The following BCKDHB variants were observed in gnomAD, a reference collection of about 807,000 sequenced individuals.
BCKDHB encodes the protein branched chain keto acid dehydrogenase E1 subunit beta.
Under a neutral mutation model 48.5 loss-of-function variants are expected in BCKDHB, and 41 were observed. The observed-to-expected ratio is 0.85, with a 90% CI of 0.66 to 1.10. The LOEUF is 1.10. Among genes scored for constraint, BCKDHB ranks in the 50% least tolerant of loss-of-function variants. BCKDHB has a pLI of 0.00. For missense variants in BCKDHB, 496 were observed against 494.2 expected, an observed-to-expected ratio of 1.00 and a Z score of -0.03; for synonymous variants, 201 against 174.8, an observed-to-expected ratio of 1.15 and a Z score of -1.18.
the BCKDHB span, among the ~76,000 whole-genome samples, chr6:80,372,058 A>G: frequency 2.0e-5 from 3 of 151,928 alleles, no homozygotes; most frequent in Non-Finnish European, 4.4e-5. Context: ...TTGAATTTGT[A>G]TATTTCTTTT....
intron 8 of BCKDHB, among the ~76,000 whole-genome samples, chr6:80,213,675 T>G (rs903700491): frequency 6.6e-6 from 1 of 151,794 alleles, no homozygotes. Context: ...TTTGTTTTTT[T>G]TTTTTTAATT....
At chr6:80,450,315 GCTTTT>G in the BCKDHB span, among the ~76,000 whole-genome samples, 2 of 152,090 alleles carry the variant, frequency 1.3e-5, no homozygotes, top group Non-Finnish European at 2.9e-5. Context: ...GTATTAATCA[GCTTTT>G]CTTTTCTTTA....
At chr6:80,116,409 C>T (rs943595379) in intron 1 of BCKDHB, among the ~76,000 whole-genome samples, 2 of 152,180 alleles carry the variant, frequency 1.3e-5, no homozygotes, top group Non-Finnish European at 2.9e-5. Context: ...TTCATTCATT[C>T]ATTCAACAAA....
chr6:80,366,589 T>C, the BCKDHB span, among the ~76,000 whole-genome samples: 128 of 152,312 alleles, frequency 8.4e-4, 1 homozygote, highest in African/African-American at 3.0e-3. Flanking sequence ...TGTTCTCACT[T>C]TTATTATGCC....
intron 6 of BCKDHB, among the ~76,000 whole-genome samples, chr6:80,187,952 T>C (rs1035224860): frequency 2.6e-5 from 4 of 152,164 alleles, no homozygotes; most frequent in African/African-American, 9.7e-5. Flanking sequence ...AGAATTACCA[T>C]TCAACCCAGC....
intron 8 of BCKDHB, among the ~76,000 whole-genome samples, chr6:80,243,284 C>G: frequency 6.6e-6 from 1 of 152,086 alleles, no homozygotes; most frequent in Non-Finnish European, 1.5e-5. Flanking sequence ...GCTGGAATAT[C>G]AGTGGAGATA....
chr6:80,108,958 C>T (rs961626061), intron 1 of BCKDHB, among the ~76,000 whole-genome samples: 2 of 152,198 alleles, frequency 1.3e-5, no homozygotes, highest in African/African-American at 2.4e-5. Context: ...CTTTTAGTTT[C>T]GTATTTTCCA....
the BCKDHB span, among the ~76,000 whole-genome samples, chr6:80,444,895 C>T: frequency 2.0e-5 from 3 of 152,138 alleles, no homozygotes; most frequent in Non-Finnish European, 4.4e-5. Context: ...TATAACCTAA[C>T]AAATATGAAC....
intron 8 of BCKDHB, among the ~76,000 whole-genome samples, chr6:80,224,331 G>C (rs574903090): frequency 1.3e-5 from 2 of 151,792 alleles, no homozygotes; most frequent in South Asian, 4.2e-4. Flanking sequence ...AATCAGGTTG[G>C]TTGATGTTTA....
chr6:80,335,774 G>GA (rs1769563051), intron 9 of BCKDHB, among the ~76,000 whole-genome samples: 1 of 151,984 alleles, frequency 6.6e-6, no homozygotes, highest in Admixed American at 6.6e-5. Context: ...AAATGGTGAG[G>GA]AAACTTTGAT....
chr6:80,350,930 G>A (rs1189727274), downstream of BCKDHB, among the ~76,000 whole-genome samples: 2 of 152,156 alleles, frequency 1.3e-5, no homozygotes, highest in Non-Finnish European at 2.9e-5. Context: ...AGAACCTAGA[G>A]TAACGCTTGG....
At chr6:80,399,684 A>G in the BCKDHB span, among the ~76,000 whole-genome samples, 2 of 152,142 alleles carry the variant, frequency 1.3e-5, no homozygotes, top group Admixed American at 1.3e-4. Context: ...AACAATTTAC[A>G]TATTTAACAC....
At chr6:80,465,639 C>A in the BCKDHB span, 4 of 152,204 alleles carry the variant, frequency 2.6e-5, no homozygotes, top group African/African-American at 9.6e-5. Context: ...CAAAGCACAT[C>A]ATGTAAACAT....
At chr6:80,218,977 A>C (rs960129738) in intron 8 of BCKDHB, among the ~76,000 whole-genome samples, 5 of 152,114 alleles carry the variant, frequency 3.3e-5, no homozygotes, top group Non-Finnish European at 5.9e-5. Flanking sequence ...GGGACCCTAA[A>C]AGGAGATTCT....
chr6:80,364,849 G>A, the BCKDHB span, among the ~76,000 whole-genome samples: 3,180 of 152,200 alleles, frequency 0.021, 90 homozygotes, highest in African/African-American at 0.067. Context: ...ATATTTCAAC[G>A]GAGGTTCTTT....
the BCKDHB span, among the ~76,000 whole-genome samples, chr6:80,389,801 A>G: frequency 6.6e-6 from 1 of 152,200 alleles, no homozygotes; most frequent in Non-Finnish European, 1.5e-5. Context: ...AAGGTCGTGT[A>G]TGCTCTGAAT....
At chr6:80,351,608 G>T in the BCKDHB span, among the ~76,000 whole-genome samples, 7 of 149,766 alleles carry the variant, frequency 4.7e-5, no homozygotes, top group East Asian at 1.4e-3. Flanking sequence ...CCTTCTTAAA[G>T]ATTTTTCATA....
chr6:80,295,818 A>G (rs9361594), intron 9 of BCKDHB, among the ~76,000 whole-genome samples: 121,113 of 151,658 alleles, frequency 0.8, 48,500 homozygotes, highest in Admixed American at 0.87. Context: ...TGAATGGTCC[A>G]GGGAAGACCC....
At chr6:80,399,887 A>ATTGACT in the BCKDHB span, among the ~76,000 whole-genome samples, 5 of 152,114 alleles carry the variant, frequency 3.3e-5, no homozygotes, top group Non-Finnish European at 7.4e-5. Flanking sequence ...AACCAGACAT[A>ATTGACT]TTGACTAATG....
Sources: allele counts gnomAD v4.1 joint callset (sites outside exome capture counted in the v4.1 genomes callset), GRCh38; gene constraint gnomAD v4.1.1; transcripts MANE v1.5; gene names NCBI Gene and HGNC (gene_info 2026-07-23, HGNC 2026-07-21).